OPRD1: variants seen among roughly 807,000 people sequenced by gnomAD.
OPRD1 encodes the protein delta-type opioid receptor.
In OPRD1, 19 loss-of-function variants were observed where a neutral mutation model predicts 17.5. The ratio of observed to expected loss-of-function variants is 1.09; its 90% CI spans 0.76 to 1.60. The LOEUF (loss-of-function observed/expected upper bound fraction) is 1.60. Among genes scored for constraint, OPRD1 ranks in the 40% most tolerant of loss-of-function variants. OPRD1 has a pLI of 0.00. For missense variants in OPRD1, 483 were observed against 547.2 expected, an observed-to-expected ratio of 0.88 and a Z score of 1.17; for synonymous variants, 256 against 240.9, an observed-to-expected ratio of 1.06 and a Z score of -0.58.
At chr1:28,846,905 CTTTT>C (rs1323069441) in intron 1 of OPRD1, among the ~76,000 whole-genome samples, 120 of 129,502 alleles carry the variant, frequency 9.3e-4, no homozygotes, top group African/African-American at 2.7e-3. Flanking sequence ...CTCTTTCTTT[CTTTT>C]TCTTTCTTTC....
chr1:28,859,836 G>C (rs184351402), intron 2 of OPRD1, among the ~76,000 whole-genome samples: 55 of 152,332 alleles, frequency 3.6e-4, no homozygotes, highest in Admixed American at 1.2e-3. Context: ...ACAAATAGGA[G>C]CTAAAATGGT....
intron 1 of OPRD1, among the ~76,000 whole-genome samples, chr1:28,846,924 T>G (rs1053768648): frequency 6.7e-6 from 1 of 149,154 alleles, no homozygotes; most frequent in African/African-American, 2.5e-5. Flanking sequence ...TCTTTCTTTC[T>G]TTTTCTTCCT....
intron 1 of OPRD1, among the ~76,000 whole-genome samples, chr1:28,828,131 T>C (rs1460668766): frequency 6.6e-6 from 1 of 152,182 alleles, no homozygotes; most frequent in Non-Finnish European, 1.5e-5. Context: ...CTATGACAGC[T>C]GTAACCTTAC....
At chr1:28,823,324 G>A (rs539464276) in intron 1 of OPRD1, among the ~76,000 whole-genome samples, 1 of 150,048 alleles carries the variant, frequency 6.7e-6, no homozygotes, top group Middle Eastern at 3.4e-3. Context: ...AGCCTCCCAA[G>A]TAGCTGGGAT....
intron 1 of OPRD1, among the ~76,000 whole-genome samples, chr1:28,847,693 G>A (rs1030569245): frequency 1.3e-5 from 2 of 152,056 alleles, no homozygotes; most frequent in Admixed American, 6.6e-5. Flanking sequence ...AATTAGCCAG[G>A]TGTGGTGGTG....
At chr1:28,820,741 C>A (rs773827024) in intron 1 of OPRD1, among the ~76,000 whole-genome samples, 14 of 151,876 alleles carry the variant, frequency 9.2e-5, no homozygotes, top group Non-Finnish European at 2.1e-4. Flanking sequence ...TGGCTTGAAC[C>A]CAGAAACTCA....
At position 28,864,500 on chromosome 1, in the gene OPRD1, C is replaced by A. The variant is rs1184625027; in HGVS notation, c.*1217C>A. 6.6e-6 allele frequency: 1 copy of A among 151,860 alleles called. No individual in the cohort carries two copies. 9.4% of individuals were successfully genotyped at this position (151,860 alleles called of 1,614,324 possible). On this transcript the variant is annotated 3_prime_UTR_variant, in exon 3 of 3. Transcript: ENST00000234961. ...CCCCAGAACTGAGTACTAATGGGGG[C>A]CCAGAGGCTTGGGAAGGAGAAGGCT...
chr1:28,812,416 G>C lies in OPRD1; in HGVS notation c.33G>C (p.Leu11=). The C allele has an allele frequency of 1.4e-6, 2 of 1,470,932 alleles. No individual in the cohort carries two copies. Among genetic ancestry groups the C allele is most frequent in the Non-Finnish European group, 1.8e-6 (2 of 1,117,656 alleles). The allele number at this position is 1,470,932 out of a possible 1,614,324, so 91.1% of individuals were successfully genotyped here. Residue 11 remains leucine, a synonymous_variant, in exon 1 of 3, where the codon CTG becomes CTC. Coordinates refer to ENST00000234961, the MANE Select transcript of OPRD1 (RefSeq NM_000911.4). ...CGGCCCCCTCCGCCGGCGCCGAGCT[G>C]CAGCCCCCGCTCTTCGCCAACGCCT... is the stretch of plus-strand genomic sequence containing the variant. MEPAPSAGAE[L]QPPLFANASD... is the part of the protein sequence containing the mutation.
intron 1 of OPRD1, among the ~76,000 whole-genome samples, chr1:28,839,172 C>G (rs1048038270): frequency 6.6e-6 from 1 of 152,196 alleles, no homozygotes; most frequent in Non-Finnish European, 1.5e-5. Context: ...ATCAAGGTGA[C>G]AGCAGGGCTG....
chr1:28,858,158 G>A (rs557143350), intron 1 of OPRD1, among the ~76,000 whole-genome samples: 1 of 142,120 alleles, frequency 7.0e-6, no homozygotes, highest in East Asian at 2.0e-4. Flanking sequence ...CTGTGGCCCA[G>A]GCGGGAGTGC....
At chr1:28,846,858 C>CTTTCTTTCTTTCTTTCT (rs1557575988) in intron 1 of OPRD1, among the ~76,000 whole-genome samples, 13 of 54,358 alleles carry the variant, frequency 2.4e-4, no homozygotes, top group African/African-American at 6.6e-4. Flanking sequence ...TTCTTTCTTT[C>CTTTCTTTCTTTCTTTCT]TTTCTTTCTT....
chr1:28,830,479 G>C (rs551962394), intron 1 of OPRD1, among the ~76,000 whole-genome samples: 1 of 152,120 alleles, frequency 6.6e-6, no homozygotes, highest in Non-Finnish European at 1.5e-5. Context: ...GGCTGTGATA[G>C]TGCCACTGTA....
chr1:28,830,462 T>C (rs2088800312), intron 1 of OPRD1, among the ~76,000 whole-genome samples: 1 of 152,102 alleles, frequency 6.6e-6, no homozygotes, highest in Non-Finnish European at 1.5e-5. Flanking sequence ...AGGTCGAGGC[T>C]GCAGTGGGCT....
intron 1 of OPRD1, among the ~76,000 whole-genome samples, chr1:28,851,762 T>C (rs1009063193): frequency 1.3e-5 from 2 of 150,496 alleles, no homozygotes; most frequent in African/African-American, 2.5e-5. Context: ...TCCCAGCTAC[T>C]CGGGAGGCTG....
chr1:28,821,791 G>A (rs703182), intron 1 of OPRD1, among the ~76,000 whole-genome samples: 69,362 of 151,664 alleles, frequency 0.46, 17,756 homozygotes, highest in East Asian at 0.77. Flanking sequence ...CATAATTCCA[G>A]CACTTTGGGA....
intron 1 of OPRD1, among the ~76,000 whole-genome samples, chr1:28,823,313 C>G (rs2088732180): frequency 6.6e-6 from 1 of 150,696 alleles, no homozygotes; most frequent in Non-Finnish European, 1.5e-5. Flanking sequence ...TCTCATGCCT[C>G]AGCCTCCCAA....
chr1:28,861,744 A>C lies in OPRD1; in HGVS notation c.578-998A>C, dbSNP rs181596597. Among the ~76,000 whole-genome samples, 377 of 150,300 alleles carry C rather than the reference A, an allele frequency of 2.5e-3. 2 individuals are homozygous for C. Among genetic ancestry groups the C allele is most frequent in the African/African-American group, 8.9e-3 (363 of 40,972 alleles). ...ACAGGCATGAGCCCCATGCCTGGCC[A>C]GGAGGTTCTTGTGATTAAGCTGAGA... On this transcript the variant is annotated intron_variant, in intron 2 of 2. Coordinates refer to ENST00000234961, the MANE Select transcript of OPRD1 (RefSeq NM_000911.4).
At position 28,859,146 on chromosome 1, in the gene OPRD1, C is replaced by T; in HGVS notation, c.420C>T (p.Thr140=). ...YNMFTSIFTL[T]MMSVDRYIAV... is the part of the protein sequence containing the mutation. Reference sequence around the variant, plus strand: ...TGTTCACCAGCATCTTCACGCTCACCATGATGAGTGTTGACCGCTACATCG... The same window carrying T: ...TGTTCACCAGCATCTTCACGCTCACTATGATGAGTGTTGACCGCTACATCG... Residue 140 remains threonine, a synonymous_variant, in exon 2 of 3, where the codon ACC becomes ACT. Transcript: ENST00000234961. The T allele has an allele frequency of 6.2e-7, 1 of 1,614,260 alleles. No homozygotes were observed. The highest frequency in any genetic ancestry group is 8.5e-7 in the Non-Finnish European group (1 of 1,180,052).
chr1:28,835,014 C>T (rs961499698), intron 1 of OPRD1, among the ~76,000 whole-genome samples: 6 of 152,214 alleles, frequency 3.9e-5, no homozygotes, highest in African/African-American at 1.4e-4. Flanking sequence ...CTCTCCCCAC[C>T]ATGAGTGGGT....
Sources: allele counts gnomAD v4.1 joint callset (sites outside exome capture counted in the v4.1 genomes callset), GRCh38; gene constraint gnomAD v4.1.1; transcripts MANE v1.5; gene names NCBI Gene and HGNC (gene_info 2026-07-23, HGNC 2026-07-21).